ATP2A3: variants seen among roughly 807,000 people sequenced by gnomAD.
ATP2A3 encodes the protein sarcoplasmic/endoplasmic reticulum calcium ATPase 3.
ATP2A3 carries 61 observed loss-of-function variants against 106.8 expected under a neutral mutation model. That is an observed-to-expected ratio of 0.57 (90% CI 0.46 to 0.71). The LOEUF (loss-of-function observed/expected upper bound fraction) is 0.71, where lower values mean the gene tolerates loss of function less well. Ranked by LOEUF, ATP2A3 falls within the 30% of genes least tolerant of loss-of-function variation. The probability of loss-of-function intolerance (pLI) is 0.00; values close to 1 mark genes in which losing one functional copy is unlikely to be tolerated. For synonymous variants in ATP2A3, 611 were observed against 609.3 expected (o/e 1.00, Z -0.04); for missense variants, 1,201 against 1,423.5 (o/e 0.84, Z 2.52).
In ATP2A3 at chr17:3,944,851, C is replaced by T. The variant is rs1426604185; in HGVS notation, c.1185-45G>A. ...ACCAGGAGGACCTCGGCTCCGCCCC[C>T]GAGAGGGGTCCGCCTCTTGGCCCCG... On this transcript the variant is annotated intron_variant, in intron 9 of 20. Coordinates refer to ENST00000397041, the MANE Select transcript of ATP2A3 (RefSeq NM_005173.4). The T allele has an allele frequency of 1.5e-5, 23 of 1,553,634 alleles. No individual in the cohort carries two copies. In the East Asian group the frequency reaches 5.4e-4, roughly 37 times the overall value.
intron 1 of ATP2A3, among the ~76,000 whole-genome samples, chr17:3,961,207 C>T (rs1412075448): frequency 2.0e-5 from 3 of 152,154 alleles, no homozygotes; most frequent in Non-Finnish European, 2.9e-5. Context: ...TGGCTGGGGA[C>T]GGGGCGGAGA....
rs1597572280 is a variant in ATP2A3 at position 3,930,565 on chromosome 17, T to G, written c.2611-131A>C. 17 of 823,758 alleles carry G rather than the reference T, an allele frequency of 2.1e-5. No homozygotes were observed. Among genetic ancestry groups the G allele is most frequent in the South Asian group, 3.1e-5 (2 of 63,806 alleles). The allele number at this position is 823,758 out of a possible 1,614,324, so 51.0% of individuals were successfully genotyped here. A position where few individuals can be genotyped will look rare whatever the true frequency, so the allele number is the denominator to read the frequency against. The stretch of plus-strand genomic sequence containing the variant: ...CAGCACACAAAACACTGCCGTGGGG[T>G]GGGCTGGGGATCCCGGGAGGGGTGC... On this transcript the variant is annotated intron_variant, in intron 17 of 20. Transcript: ENST00000397041. This position sits in a 1 kb window ranked among gnomAD's most constrained non-coding sequence, Gnocchi z 5.4.
intron 1 of ATP2A3, among the ~76,000 whole-genome samples, chr17:3,958,562 C>CCCTCTGTTAGCCAAG (rs1255518750): frequency 1.1e-4 from 17 of 152,002 alleles, no homozygotes; most frequent in Admixed American, 9.2e-4. Context: ...GCACATCTGT[C>CCCTCTGTTAGCCAAG]CCTCTGTTAG....
intron 11 of ATP2A3, 139 bp from the exon 12 acceptor site, chr17:3,942,870 G>C (rs1301982992): frequency 1.2e-5 from 16 of 1,323,092 alleles, no homozygotes; most frequent in Non-Finnish European, 1.7e-5. Flanking sequence ...CACCATTCAA[G>C]GCCTCCATTT....
chr17:3,930,166 C>T lies in ATP2A3; in HGVS notation c.2744+135G>A. The T allele has an allele frequency of 8.0e-7, 1 of 1,252,808 alleles. No homozygotes were observed. Among genetic ancestry groups the T allele is most frequent in the South Asian group, 1.4e-5 (1 of 70,914 alleles). The allele number at this position is 1,252,808 out of a possible 1,614,324, so 77.6% of individuals were successfully genotyped here. A position where few individuals can be genotyped will look rare whatever the true frequency, so the allele number is the denominator to read the frequency against. ...GATACTGGAACCCCCAGCCCTCAGCCCCCACTCCTCGGCCCCAGCTCCAGG... is the reference window on the plus strand; with the variant it reads ...GATACTGGAACCCCCAGCCCTCAGCTCCCACTCCTCGGCCCCAGCTCCAGG... On this transcript the variant is annotated intron_variant, in intron 18 of 20. Transcript: ENST00000397041. This position sits in a 1 kb window ranked among gnomAD's most constrained non-coding sequence, Gnocchi z 5.4.
rs2144523787 is a variant in ATP2A3 at position 3,943,531 on chromosome 17, G to A, written c.1288-9C>T. 1 of 1,613,928 alleles carries A rather than the reference G, an allele frequency of 6.2e-7. No homozygotes were observed. The highest frequency in any genetic ancestry group is 1.1e-5 in the South Asian group (1 of 91,068). Reference sequence around the variant, plus strand: ...TCATACACACCCTTGGCCTGGCAAGGACCCAGGGGATAGGGAGTGAGGGGC... The same window carrying A: ...TCATACACACCCTTGGCCTGGCAAGAACCCAGGGGATAGGGAGTGAGGGGC... On this transcript the variant is annotated splice_polypyrimidine_tract_variant and intron_variant, in intron 10 of 20. Transcript: ENST00000397041.
At chr17:3,938,295 G>C (rs1296713149) in intron 14 of ATP2A3, among the ~76,000 whole-genome samples, 1 of 152,064 alleles carries the variant, frequency 6.6e-6, no homozygotes, top group Non-Finnish European at 1.5e-5. Context: ...TTAGCTGGGC[G>C]CAGTGGCGCG....
In ATP2A3 at chr17:3,941,612, C is replaced by G; in HGVS notation, c.1588G>C (p.Val530Leu). The G allele has an allele frequency of 1.2e-6, 2 of 1,611,520 alleles. No homozygotes were observed. The highest frequency in any genetic ancestry group is 1.7e-6 in the Non-Finnish European group (2 of 1,180,012). ...GTCAGGGGTGCTGTGCGGCTCCCCA[C>G]GCGGACTGAGCTACAGCGCTCGATC... The part of the protein sequence containing the change: ...SVIERCSSVR[V>L]GSRTAPLTPT... Residue 530 changes from valine to leucine, a missense_variant, in exon 13 of 21, where the codon GTG becomes CTG. By Grantham distance (32) the Val-to-Leu change is conservative. Transcript: ENST00000397041.
intron 1 of ATP2A3, among the ~76,000 whole-genome samples, chr17:3,958,793 CATAT>C (rs1241900937): frequency 7.0e-6 from 1 of 142,308 alleles, no homozygotes; most frequent in Non-Finnish European, 1.5e-5. Flanking sequence ...TATATATACA[CATAT>C]ATATACACAC....
rs181244857 is a variant in ATP2A3 at position 3,955,783 on chromosome 17, G to A, written c.119-2073C>T. Among the ~76,000 whole-genome samples the A allele has an allele frequency of 1.5e-3, 224 of 152,284 alleles. 5 individuals are homozygous for A. Among genetic ancestry groups the A allele is most frequent in the African/African-American group, 5.1e-3 (212 of 41,556 alleles). On this transcript the variant is annotated intron_variant, in intron 1 of 20. Coordinates refer to ENST00000397041, the MANE Select transcript of ATP2A3 (RefSeq NM_005173.4). This position sits in a 1 kb window ranked among gnomAD's most constrained non-coding sequence, Gnocchi z 4.2. ...TTGGGAAGCGTGTCATGGGGTACAC[G>A]TGCCAGCTCCAGTCCTGGACTTCCC...
chr17:3,954,793 C>G (rs2054673205), intron 1 of ATP2A3, among the ~76,000 whole-genome samples: 1 of 152,194 alleles, frequency 6.6e-6, no homozygotes, highest in Admixed American at 6.5e-5. Context: ...CCGCCCAGGC[C>G]TAGGTGCTGA....
chr17:3,951,505 G>A lies in ATP2A3; in HGVS notation c.324+76C>T, dbSNP rs923424071. 2.0e-5 allele frequency: 32 copies of A among 1,567,674 alleles called. 1 individual carries two copies. The highest frequency in any genetic ancestry group is 4.3e-4 in the Middle Eastern group (2 of 4,660). On this transcript the variant is annotated intron_variant, in intron 4 of 20. Transcript: ENST00000397041. ...GTGGAAGCAGGAGAGTCTGCAGGACGCCAGCACCAGGTGGAGGGCACTCCT... is the reference window on the plus strand; with the variant it reads ...GTGGAAGCAGGAGAGTCTGCAGGACACCAGCACCAGGTGGAGGGCACTCCT...
In ATP2A3 at chr17:3,926,534, C is replaced by T. The variant is rs1287666580; in HGVS notation, c.2981-1093G>A. Among the ~76,000 whole-genome samples the T allele has an allele frequency of 1.5e-4, 23 of 152,108 alleles. No individual in the cohort carries two copies. Among genetic ancestry groups the T allele is most frequent in the South Asian group, 4.1e-4 (2 of 4,822 alleles). ...CCAGCTCCCCAGATCTGTTCAATGC[C>T]GCTCGCCCACCTCCTGGTGTTAGTC... On this transcript the variant is annotated intron_variant, in intron 20 of 20. Coordinates refer to ENST00000397041, the MANE Select transcript of ATP2A3 (RefSeq NM_005173.4). The surrounding 1 kb of genome is among the most constrained non-coding windows in gnomAD (Gnocchi z 4.6).
chr17:3,928,407 A>G lies in ATP2A3; in HGVS notation c.2980+256T>C, dbSNP rs2144213148. The G allele has an allele frequency of 7.3e-7, 1 of 1,367,650 alleles. No individual in the cohort carries two copies. Among genetic ancestry groups the G allele is most frequent in the East Asian group, 2.4e-5 (1 of 41,142 alleles). 84.7% of individuals were successfully genotyped at this position (1,367,650 alleles called of 1,614,324 possible). A position where few individuals can be genotyped will look rare whatever the true frequency, so the allele number is the denominator to read the frequency against. On this transcript the variant is annotated intron_variant, in intron 20 of 20. Coordinates refer to ENST00000397041, the MANE Select transcript of ATP2A3 (RefSeq NM_005173.4). This position sits in a 1 kb window ranked among gnomAD's most constrained non-coding sequence, Gnocchi z 6.1. ...CATGTAGGGGGTGGCAGGTGAAGAC[A>G]GTGAGGCAGTGTGGCCCAAGAGGTG...
chr17:3,941,960 A>C (rs547333789), intron 12 of ATP2A3, among the ~76,000 whole-genome samples: 1 of 152,290 alleles, frequency 6.6e-6, no homozygotes, highest in African/African-American at 2.4e-5. Context: ...GGCAGGGGTG[A>C]GAATGGCATC....
At position 3,932,686 on chromosome 17, in the gene ATP2A3, C is replaced by T. The variant is rs567092564; in HGVS notation, c.2611-2252G>A. Among the ~76,000 whole-genome samples the T allele has an allele frequency of 8.5e-5, 13 of 152,280 alleles. 1 individual carries two copies. The South Asian group carries it at 2.5e-3, about 29-fold the overall frequency. On this transcript the variant is annotated intron_variant, in intron 17 of 20. Transcript: ENST00000397041. ...AATTCCTGGGCTCAAGTGATCTGCCCGCCTTGGCATCCCAGAGTGCTGGGA... is the reference window on the plus strand; with the variant it reads ...AATTCCTGGGCTCAAGTGATCTGCCTGCCTTGGCATCCCAGAGTGCTGGGA...
rs369050519 is a variant in ATP2A3 at position 3,953,211 on chromosome 17, G to A, written c.219+136C>T. On this transcript the variant is annotated intron_variant, in intron 3 of 20. Transcript: ENST00000397041. The surrounding 1 kb of genome is among the most constrained non-coding windows in gnomAD (Gnocchi z 5.1). ...GGGAAGCTGAAGTCTGAGCAGGGCAGGGCCAGGGAAGGCCAGGGCGCAGGC... is the reference window on the plus strand; with the variant it reads ...GGGAAGCTGAAGTCTGAGCAGGGCAAGGCCAGGGAAGGCCAGGGCGCAGGC... The A allele has an allele frequency of 5.0e-6, 5 of 1,000,968 alleles. No homozygotes were observed. The allele number at this position is 1,000,968 out of a possible 1,614,324, so 62.0% of individuals were successfully genotyped here.
rs1047322880 is a variant in ATP2A3, at chr17:3,936,535, CT to C, written c.2322-67del. 6 of 1,563,100 alleles carry C rather than the reference CT, an allele frequency of 3.8e-6. No homozygotes were observed. Among genetic ancestry groups the C allele is most frequent in the Non-Finnish European group, 4.4e-6 (5 of 1,136,682 alleles). ...CCCCGGCAGATGCAGGCTCCAGCTCCTGCTCAGACCCAAGGCTGGGAGCTCA... is the reference window on the plus strand; with the variant it reads ...CCCCGGCAGATGCAGGCTCCAGCTCCGCTCAGACCCAAGGCTGGGAGCTCA... On this transcript the variant is annotated intron_variant, in intron 15 of 20. Coordinates refer to ENST00000397041, the MANE Select transcript of ATP2A3 (RefSeq NM_005173.4). This position sits in a 1 kb window ranked among gnomAD's most constrained non-coding sequence, Gnocchi z 5.4.
In ATP2A3 at chr17:3,943,484, C is replaced by T. The variant is rs780733387; in HGVS notation, c.1326G>A (p.Glu442=). ...TCTCCACCAGGCAAGTCAGAGCTGT[C>T]TCCGTGGCCTCTCCCACCTTCTCAT... ...GVYEKVGEAT[E]TALTCLVEKM... The change falls in exon 11 of 21, where the codon GAG becomes GAA. Residue 442 remains glutamate (E), a synonymous_variant. Coordinates refer to ENST00000397041, the MANE Select transcript of ATP2A3 (RefSeq NM_005173.4). The T allele has an allele frequency of 1.2e-6, 2 of 1,614,046 alleles. No individual in the cohort carries two copies. Among genetic ancestry groups the T allele is most frequent in the Non-Finnish European group, 1.7e-6 (2 of 1,180,022 alleles).
Sources: allele counts gnomAD v4.1 joint callset (sites outside exome capture counted in the v4.1 genomes callset), GRCh38; gene constraint gnomAD v4.1.1; non-coding constraint Gnocchi (gnomAD v3.1); transcripts MANE v1.5; gene names NCBI Gene and HGNC (gene_info 2026-07-23, HGNC 2026-07-21).